Variants in GABBR2 observed in about 807,000 individuals in gnomAD.
GABBR2 encodes G-protein coupled receptor 51.
A neutral mutation model predicts 105.6 loss-of-function variants in GABBR2; 23 were observed. The ratio of observed to expected loss-of-function variants is 0.22; its 90% CI spans 0.16 to 0.31. The LOEUF (loss-of-function observed/expected upper bound fraction) is 0.31, where lower values mean the gene tolerates loss of function less well. Among genes scored for constraint, GABBR2 ranks in the 10% least tolerant of loss-of-function variants. The pLI is 1.00. For synonymous variants in GABBR2, 478 were observed against 499.7 expected (o/e 0.96, Z 0.58); for missense variants, 734 against 1,245.5 (o/e 0.59, Z 6.18).
chr9:98,512,987 G>A (rs200586859), intron 3 of GABBR2, among the ~76,000 whole-genome samples: 28,910 of 150,606 alleles, frequency 0.19, 3,165 homozygotes, highest in East Asian at 0.5. Context: ...GAGGCATCAC[G>A]CTACCTGACT....
chr9:98,419,734 G>T (rs1832749610), intron 7 of GABBR2, among the ~76,000 whole-genome samples: 1 of 152,162 alleles, frequency 6.6e-6, no homozygotes, highest in Non-Finnish European at 1.5e-5. Context: ...AGAAGGCCTT[G>T]TCAGAGAGGA....
At chr9:98,309,902 A>G (rs1830609747) in intron 14 of GABBR2, among the ~76,000 whole-genome samples, 2 of 152,204 alleles carry the variant, frequency 1.3e-5, no homozygotes, top group Admixed American at 6.5e-5. Flanking sequence ...TGGCCTCTCA[A>G]AGGACACAGG....
intron 3 of GABBR2, among the ~76,000 whole-genome samples, chr9:98,535,348 A>T (rs1284468974): frequency 6.6e-6 from 1 of 151,900 alleles, no homozygotes; most frequent in Non-Finnish European, 1.5e-5. Flanking sequence ...TGATCTGCCC[A>T]CCTCAGTCTC....
chr9:98,373,713 A>G (rs116091808), intron 11 of GABBR2, among the ~76,000 whole-genome samples: 1,534 of 152,288 alleles, frequency 0.01, 26 homozygotes, highest in African/African-American at 0.035. Flanking sequence ...AACATGTTTA[A>G]TTTTACAAAT....
chr9:98,314,878 G>A lies in GABBR2; in HGVS notation c.1894-3673C>T, dbSNP rs865918585. Among the ~76,000 whole-genome samples, 35 of 150,012 alleles carry A rather than the reference G, an allele frequency of 2.3e-4. No individual in the cohort carries two copies. The Middle Eastern group carries it at 0.017, about 74-fold the overall frequency. On this transcript the variant is annotated intron_variant, in intron 13 of 18. Coordinates refer to ENST00000259455, the MANE Select transcript of GABBR2 (RefSeq NM_005458.8). ...TCCTACAGGCTTTGAATGGAGCTCA[G>A]TACTCCAGGCAGTGCTGAGCAAGTC...
At chr9:98,636,700 C>T (rs527727296) in intron 1 of GABBR2, among the ~76,000 whole-genome samples, 1 of 151,914 alleles carries the variant, frequency 6.6e-6, no homozygotes. Flanking sequence ...TACTGTGTTG[C>T]CCAGGCTGGT....
intron 13 of GABBR2, among the ~76,000 whole-genome samples, chr9:98,315,073 C>CTG (rs1401149779): frequency 1.3e-5 from 2 of 152,222 alleles, no homozygotes; most frequent in Non-Finnish European, 2.9e-5. Context: ...ACATTCCAGC[C>CTG]TGGCTACCTT....
intron 2 of GABBR2, among the ~76,000 whole-genome samples, chr9:98,549,066 CA>C (rs968310936): frequency 1.7e-5 from 2 of 121,186 alleles, no homozygotes; most frequent in African/African-American, 5.3e-5. Context: ...GCCTCCCAAG[CA>C]GTGATTACAG....
intron 1 of GABBR2, among the ~76,000 whole-genome samples, chr9:98,630,917 T>G (rs1829807956): frequency 6.6e-6 from 1 of 152,218 alleles, no homozygotes; most frequent in South Asian, 2.1e-4. Context: ...TCAATTCAGT[T>G]CCTTCGTTAT....
chr9:98,678,940 A>C (rs1223875258), intron 1 of GABBR2, among the ~76,000 whole-genome samples: 1 of 152,210 alleles, frequency 6.6e-6, no homozygotes, highest in African/African-American at 2.4e-5. Flanking sequence ...ATAATTCTGA[A>C]ATGCAAATCA....
chr9:98,669,278 G>A (rs1000650402), intron 1 of GABBR2, among the ~76,000 whole-genome samples: 5 of 152,210 alleles, frequency 3.3e-5, no homozygotes, highest in Middle Eastern at 6.8e-3. Flanking sequence ...GCGGTGACTC[G>A]TGGTTTTGAT....
chr9:98,422,467 G>A (rs1215069562), intron 7 of GABBR2, among the ~76,000 whole-genome samples: 1 of 151,680 alleles, frequency 6.6e-6, no homozygotes, highest in East Asian at 1.9e-4. Context: ...ATTCTCATAA[G>A]TGGACATTTA....
intron 1 of GABBR2, among the ~76,000 whole-genome samples, chr9:98,595,308 C>T (rs1829217541): frequency 6.6e-6 from 1 of 151,928 alleles, no homozygotes; most frequent in Non-Finnish European, 1.5e-5. Flanking sequence ...CTAATCACCC[C>T]CCTTCCCAAA....
intron 1 of GABBR2, among the ~76,000 whole-genome samples, chr9:98,644,391 C>G (rs1436742007): frequency 6.6e-6 from 1 of 152,210 alleles, no homozygotes; most frequent in African/African-American, 2.4e-5. Flanking sequence ...CTAAAAGGAA[C>G]CCTGGGTTTA....
intron 8 of GABBR2, among the ~76,000 whole-genome samples, chr9:98,399,161 C>T (rs1423616189): frequency 1.3e-5 from 2 of 152,050 alleles, no homozygotes; most frequent in African/African-American, 4.8e-5. Context: ...GAAGACCAGC[C>T]TGGCCAACAT....
intron 3 of GABBR2, among the ~76,000 whole-genome samples, chr9:98,510,074 A>G (rs557445529): frequency 6.6e-6 from 1 of 152,372 alleles, no homozygotes; most frequent in African/African-American, 2.4e-5. Flanking sequence ...CTGATCTCTC[A>G]GCAGAAACTC....
In GABBR2 at chr9:98,552,218, G is replaced by C. The variant is rs115243792; in HGVS notation, c.460-10175C>G. The C allele has an allele frequency of 4.0e-3, 611 of 152,330 alleles. 5 individuals carry two copies. Among genetic ancestry groups the C allele is most frequent in the African/African-American group, 0.014 (575 of 41,564 alleles). The allele number at this position is 152,330 out of a possible 1,614,324, so 9.4% of individuals were successfully genotyped here. A position where few individuals can be genotyped will look rare whatever the true frequency, so the allele number is the denominator to read the frequency against. On this transcript the variant is annotated intron_variant, in intron 2 of 18. Transcript: ENST00000259455. ...TTTTTCAGGAGGCAGGTATAACCGGGCAGGGGGGACCACAGTTGCTAAGTC... is the reference window on the plus strand; with the variant it reads ...TTTTTCAGGAGGCAGGTATAACCGGCCAGGGGGGACCACAGTTGCTAAGTC...
chr9:98,644,636 G>A (rs534889042), intron 1 of GABBR2, among the ~76,000 whole-genome samples: 14 of 152,280 alleles, frequency 9.2e-5, no homozygotes, highest in African/African-American at 3.4e-4. Context: ...GAGGTTGAGA[G>A]TTCGAGACCA....
At chr9:98,296,642 C>A (rs548401703) in intron 17 of GABBR2, among the ~76,000 whole-genome samples, 1 of 152,318 alleles carries the variant, frequency 6.6e-6, no homozygotes, top group East Asian at 1.9e-4. Flanking sequence ...TGAGATTGAT[C>A]ATCTTTTCAT....
Sources: allele counts gnomAD v4.1 joint callset (sites outside exome capture counted in the v4.1 genomes callset), GRCh38; gene constraint gnomAD v4.1.1; transcripts MANE v1.5; gene names NCBI Gene and HGNC (gene_info 2026-07-23, HGNC 2026-07-21).